Variants in CATSPERB observed in about 807,000 individuals in gnomAD.
The protein encoded by CATSPERB is catsper channel auxiliary subunit beta.
CATSPERB carries 93 observed loss-of-function variants against 128.3 expected under a neutral mutation model. The observed-to-expected ratio is 0.72, with a 90% CI of 0.61 to 0.86. The LOEUF (loss-of-function observed/expected upper bound fraction) is 0.86. Among genes scored for constraint, CATSPERB ranks in the 40% least tolerant of loss-of-function variants. CATSPERB has a pLI of 0.00. For synonymous variants in CATSPERB, 381 were observed against 448.8 expected, an observed-to-expected ratio of 0.85 and a Z score of 1.91; for missense variants, 1,153 against 1,329.5, an observed-to-expected ratio of 0.87 and a Z score of 2.06.
chr14:91,631,973 G>C (rs1371064070), intron 17 of CATSPERB, among the ~76,000 whole-genome samples: 1 of 151,700 alleles, frequency 6.6e-6, no homozygotes, highest in Non-Finnish European at 1.5e-5. Context: ...TCAAGTAGAA[G>C]AAGAAAAGAA....
At chr14:91,633,992 T>G (rs898437395) in intron 17 of CATSPERB, among the ~76,000 whole-genome samples, 1 of 152,102 alleles carries the variant, frequency 6.6e-6, no homozygotes, top group Non-Finnish European at 1.5e-5. Flanking sequence ...AAAATTATAG[T>G]TGACCCTTGA....
At chr14:91,721,675 C>T (rs1896032896) in intron 4 of CATSPERB, among the ~76,000 whole-genome samples, 1 of 151,990 alleles carries the variant, frequency 6.6e-6, no homozygotes, top group South Asian at 2.1e-4. Context: ...AGGTGAAACC[C>T]TGTTCTCTAC....
intron 3 of CATSPERB, among the ~76,000 whole-genome samples, chr14:91,723,749 T>C (rs1896071379): frequency 6.6e-6 from 1 of 152,150 alleles, no homozygotes; most frequent in Non-Finnish European, 1.5e-5. Context: ...TCCAAAAATA[T>C]CTACTGAGCC....
intron 5 of CATSPERB, among the ~76,000 whole-genome samples, chr14:91,713,910 A>G (rs1392577278): frequency 6.6e-6 from 1 of 152,200 alleles, no homozygotes; most frequent in African/African-American, 2.4e-5. Flanking sequence ...TAGGAAACCT[A>G]CTAGCCAAAT....
intron 26 of CATSPERB, among the ~76,000 whole-genome samples, chr14:91,586,348 T>A (rs1162963030): frequency 6.6e-6 from 1 of 152,088 alleles, no homozygotes; most frequent in African/African-American, 2.4e-5. Context: ...GCCAAAGAGA[T>A]GAGAAAAGAG....
chr14:91,632,434 A>G (rs942369838), intron 17 of CATSPERB, among the ~76,000 whole-genome samples: 5 of 152,174 alleles, frequency 3.3e-5, no homozygotes, highest in African/African-American at 1.2e-4. Flanking sequence ...AGCATAATAA[A>G]AAAGCCACGG....
At chr14:91,693,316 T>C (rs1595181554) in intron 8 of CATSPERB, 68 bp downstream of exon 8, 1 of 1,539,152 alleles carries the variant, frequency 6.5e-7, no homozygotes, top group East Asian at 2.2e-5. Context: ...CAAAGACATT[T>C]TATAGATATT....
At chr14:91,700,755 T>G (rs1379294430) in intron 7 of CATSPERB, among the ~76,000 whole-genome samples, 1 of 152,130 alleles carries the variant, frequency 6.6e-6, no homozygotes, top group Non-Finnish European at 1.5e-5. Context: ...ATGTTCTCAC[T>G]TGTAGGTGGG....
At chr14:91,585,373 T>C (rs75487280) in intron 26 of CATSPERB, among the ~76,000 whole-genome samples, 5,326 of 152,290 alleles carry the variant, frequency 0.035, 311 homozygotes, top group African/African-American at 0.12. Flanking sequence ...GTCACACAGA[T>C]CCCTGAGGCA....
chr14:91,605,879 T>C (rs779492773), intron 22 of CATSPERB, among the ~76,000 whole-genome samples: 3 of 152,222 alleles, frequency 2.0e-5, no homozygotes, highest in East Asian at 3.8e-4. Context: ...TTAAACTCTT[T>C]AAAATGCAGA....
intron 18 of CATSPERB, among the ~76,000 whole-genome samples, chr14:91,623,114 C>T (rs1308083900): frequency 2.6e-5 from 4 of 152,074 alleles, no homozygotes; most frequent in Non-Finnish European, 5.9e-5. Flanking sequence ...AGACTGGTCT[C>T]AAACTCCTGA....
intron 22 of CATSPERB, among the ~76,000 whole-genome samples, chr14:91,596,530 A>T (rs1893508903): frequency 6.6e-6 from 1 of 152,150 alleles, no homozygotes; most frequent in South Asian, 2.1e-4. Context: ...AAGAGCATTT[A>T]AAACAAGGCA....
chr14:91,618,231 A>C lies in CATSPERB; in HGVS notation c.2261-495T>G, dbSNP rs141775633. Among the ~76,000 whole-genome samples the C allele has an allele frequency of 3.9e-4, 60 of 152,168 alleles. No individual in the cohort carries two copies. The East Asian group carries it at 0.01, about 26-fold the overall frequency. On this transcript the variant is annotated intron_variant, in intron 19 of 26. Transcript: ENST00000256343. ...ACAACCAGAGGTCACTCTGATTGCT[A>C]TCTTGGTTTTGGTGGGTTTTGCCCA...
At chr14:91,654,782 C>G (rs1228946787) in intron 15 of CATSPERB, among the ~76,000 whole-genome samples, 1 of 152,166 alleles carries the variant, frequency 6.6e-6, no homozygotes, top group Non-Finnish European at 1.5e-5. Context: ...GCAGTGGAAA[C>G]TGTGGGCCTT....
At chr14:91,658,159 A>G (rs945443092) in intron 15 of CATSPERB, among the ~76,000 whole-genome samples, 3 of 152,192 alleles carry the variant, frequency 2.0e-5, no homozygotes, top group African/African-American at 7.2e-5. Context: ...ATGAATGAAT[A>G]AAGAAAATAT....
chr14:91,650,689 T>TATCCATCCATCCATCC (rs56395311), intron 15 of CATSPERB, among the ~76,000 whole-genome samples: 6 of 150,960 alleles, frequency 4.0e-5, no homozygotes, highest in South Asian at 4.2e-4. Flanking sequence ...TTTTTGTATT[T>TATCCATCCATCCATCC]ATCCATCCAT....
At chr14:91,673,986 C>A (rs989940411) in intron 12 of CATSPERB, among the ~76,000 whole-genome samples, 190 bp downstream of exon 12, 2 of 152,004 alleles carry the variant, frequency 1.3e-5, no homozygotes, top group African/African-American at 4.8e-5. Flanking sequence ...TTTCTAGAAC[C>A]ATTGCTTAGG....
At chr14:91,613,532 T>C (rs1893873207) in intron 20 of CATSPERB, among the ~76,000 whole-genome samples, 1 of 152,180 alleles carries the variant, frequency 6.6e-6, no homozygotes, top group African/African-American at 2.4e-5. Context: ...ATTTGTAGTA[T>C]TGTTAGAGTA....
rs1420743023 is a variant in CATSPERB at position 91,583,604 on chromosome 14, T to A, written c.3133-2497A>T. On this transcript the variant is annotated intron_variant, in intron 26 of 26. Transcript: ENST00000256343. ...CCATCCAAATATTCCACACCATTTCTAAAAAACGTTAGACCTCAGAATTAT... is the reference window on the plus strand; with the variant it reads ...CCATCCAAATATTCCACACCATTTCAAAAAAACGTTAGACCTCAGAATTAT... 3.3e-5 allele frequency among the ~76,000 whole-genome samples: 5 copies of A among 152,298 alleles called. No homozygotes were observed. The East Asian group carries it at 9.6e-4, about 29-fold the overall frequency.
Sources: gnomAD v4.1 joint callset for allele counts (sites outside exome capture counted in the v4.1 genomes callset) on GRCh38, gnomAD v4.1.1 for gene constraint, MANE v1.5 for transcripts, NCBI Gene and HGNC (gene_info 2026-07-23, HGNC 2026-07-21) for gene names.